SHISA9: variants seen among roughly 807,000 people sequenced by gnomAD.
The protein encoded by SHISA9 is shisa family member 9.
A neutral mutation model predicts 38.0 loss-of-function variants in SHISA9; 13 were observed. The ratio of observed to expected loss-of-function variants is 0.34; its 90% confidence interval spans 0.22 to 0.54. SHISA9 has a LOEUF of 0.54. Among genes scored for constraint, SHISA9 ranks in the 20% least tolerant of loss-of-function variants. The pLI is 0.91. For missense variants in SHISA9, 538 were observed against 575.8 expected (o/e 0.93, Z 0.67); for synonymous variants, 275 against 242.0 (o/e 1.14, Z -1.27).
chr16:13,523,390 A>G, the SHISA9 span, among the ~76,000 whole-genome samples: 1 of 152,314 alleles, frequency 6.6e-6, no homozygotes, highest in East Asian at 1.9e-4. Flanking sequence ...ACCCAAAGAG[A>G]CAATACACAG....
intron 2 of SHISA9, among the ~76,000 whole-genome samples, chr16:13,121,168 A>G (rs2050206650): frequency 6.6e-6 from 1 of 152,090 alleles, no homozygotes; most frequent in Middle Eastern, 3.2e-3. Context: ...TCTCAAAAAA[A>G]TTAATAAATT....
At chr16:13,482,562 G>A in the SHISA9 span, among the ~76,000 whole-genome samples, 9 of 152,208 alleles carry the variant, frequency 5.9e-5, no homozygotes, top group African/African-American at 2.2e-4. Flanking sequence ...CACTTTGGGA[G>A]GCTGAGGCAG....
chr16:13,118,732 T>TTTC (rs1555463197), intron 2 of SHISA9, among the ~76,000 whole-genome samples: 3 of 137,816 alleles, frequency 2.2e-5, no homozygotes, highest in Non-Finnish European at 3.1e-5. Context: ...TCTTTTTTCT[T>TTTC]TTTTTTTTTT....
the SHISA9 span, among the ~76,000 whole-genome samples, chr16:13,469,157 G>A: frequency 1.3e-5 from 2 of 151,248 alleles, no homozygotes; most frequent in Non-Finnish European, 2.9e-5. Flanking sequence ...CAGGAGAACA[G>A]CTTGAAACCT....
the SHISA9 span, among the ~76,000 whole-genome samples, chr16:13,484,105 T>C: frequency 6.6e-6 from 1 of 152,042 alleles, no homozygotes; most frequent in African/African-American, 2.4e-5. Flanking sequence ...TCCAGGCAGA[T>C]AGTGTAAGAA....
chr16:13,146,154 C>A (rs897348377), intron 2 of SHISA9, among the ~76,000 whole-genome samples: 12 of 152,222 alleles, frequency 7.9e-5, no homozygotes, highest in Non-Finnish European at 1.8e-4. Flanking sequence ...TGCACCACTG[C>A]ACTCCAGGCT....
At chr16:13,176,859 C>G (rs1395746635) in intron 2 of SHISA9, among the ~76,000 whole-genome samples, 1 of 152,198 alleles carries the variant, frequency 6.6e-6, no homozygotes, top group Non-Finnish European at 1.5e-5. Flanking sequence ...TCTCCCCTCT[C>G]TGTTCTTAAT....
At chr16:13,114,940 T>A (rs199760871) in intron 2 of SHISA9, among the ~76,000 whole-genome samples, 8 of 114,352 alleles carry the variant, frequency 7.0e-5, no homozygotes, top group African/African-American at 2.6e-4. Context: ...CCATCCATCC[T>A]TCTCTCTCTC....
At chr16:13,407,538 G>A in the SHISA9 span, among the ~76,000 whole-genome samples, 1 of 152,290 alleles carries the variant, frequency 6.6e-6, no homozygotes, top group South Asian at 2.1e-4. Context: ...TCAGTTTATA[G>A]CAATGATGCT....
At chr16:13,390,872 C>G in the SHISA9 span, among the ~76,000 whole-genome samples, 1 of 152,216 alleles carries the variant, frequency 6.6e-6, no homozygotes, top group Non-Finnish European at 1.5e-5. Context: ...ATATCTTTCA[C>G]AAGAGGCAGT....
At chr16:13,150,543 G>A (rs971954455) in intron 2 of SHISA9, among the ~76,000 whole-genome samples, 2 of 152,194 alleles carry the variant, frequency 1.3e-5, no homozygotes, top group African/African-American at 2.4e-5. Context: ...TCTACTCTTA[G>A]CTTTGCTACC....
chr16:13,305,540 C>A, the SHISA9 span, among the ~76,000 whole-genome samples: 1 of 152,340 alleles, frequency 6.6e-6, no homozygotes, highest in East Asian at 1.9e-4. Context: ...GCTTGCTCTG[C>A]TGGAATCCAG....
chr16:13,081,275 G>A (rs1294937806), intron 2 of SHISA9, among the ~76,000 whole-genome samples: 2 of 152,194 alleles, frequency 1.3e-5, no homozygotes, highest in Non-Finnish European at 2.9e-5. Context: ...TGGAGAGGGA[G>A]TGCCTGGTCT....
intron 4 of SHISA9, among the ~76,000 whole-genome samples, chr16:13,218,290 C>T (rs1037095555): frequency 2.0e-5 from 3 of 152,096 alleles, no homozygotes; most frequent in African/African-American, 7.2e-5. Flanking sequence ...ATCTGAGTGT[C>T]GTGTCCCAGT....
chr16:13,540,538 A>C, the SHISA9 span, among the ~76,000 whole-genome samples: 3 of 152,332 alleles, frequency 2.0e-5, no homozygotes, highest in East Asian at 5.8e-4. Flanking sequence ...ATGAGTTATA[A>C]AATATATACT....
At chr16:12,926,570 G>T (rs1191330493) in intron 2 of SHISA9, among the ~76,000 whole-genome samples, 1 of 152,158 alleles carries the variant, frequency 6.6e-6, no homozygotes, top group African/African-American at 2.4e-5. Flanking sequence ...TGGGAGAAAT[G>T]GAAAAGTAAT....
chr16:13,045,292 G>A (rs1371338531), intron 2 of SHISA9, among the ~76,000 whole-genome samples: 1 of 152,080 alleles, frequency 6.6e-6, no homozygotes, highest in Non-Finnish European at 1.5e-5. Context: ...TGAGGTAGAT[G>A]GTATTAACCC....
At chr16:13,539,093 A>T in the SHISA9 span, among the ~76,000 whole-genome samples, 2 of 151,668 alleles carry the variant, frequency 1.3e-5, no homozygotes, top group African/African-American at 4.9e-5. Flanking sequence ...GTCAGAAGAG[A>T]TTATCTAGTG....
At chr16:12,936,083 C>G (rs2071528976) in intron 2 of SHISA9, among the ~76,000 whole-genome samples, 1 of 152,092 alleles carries the variant, frequency 6.6e-6, no homozygotes, top group Admixed American at 6.6e-5. Context: ...AGAACGGAGT[C>G]TCTGGGAGTT....
Sources: gnomAD v4.1 joint callset for allele counts (sites outside exome capture counted in the v4.1 genomes callset) on GRCh38, gnomAD v4.1.1 for gene constraint, MANE v1.5 for transcripts, NCBI Gene and HGNC (gene_info 2026-07-23, HGNC 2026-07-21) for gene names.